Variants in STEAP3 observed in about 807,000 individuals in gnomAD.
The protein encoded by STEAP3 is metalloreductase STEAP3.
In STEAP3, 35 loss-of-function variants were observed where a neutral mutation model predicts 34.9. That is an observed-to-expected ratio of 1.00 (90% CI 0.76 to 1.33). STEAP3 has a LOEUF of 1.33. Among genes scored for constraint, STEAP3 ranks in the 40% most tolerant of loss-of-function variants. The pLI, the probability that STEAP3 is intolerant of heterozygous loss-of-function variation, is 0.00. For missense variants in STEAP3, 652 were observed against 667.6 expected, an observed-to-expected ratio of 0.98 and a Z score of 0.26; for synonymous variants, 281 against 301.6, an observed-to-expected ratio of 0.93 and a Z score of 0.71.
chr2:119,254,359 C>T (rs1677712385), intron 4 of STEAP3, among the ~76,000 whole-genome samples: 1 of 152,094 alleles, frequency 6.6e-6, no homozygotes, highest in Non-Finnish European at 1.5e-5. Flanking sequence ...GTGAAAGCCC[C>T]AGGAGCCCCG....
At chr2:119,258,976 T>C (rs1028602758) in intron 5 of STEAP3, among the ~76,000 whole-genome samples, 2 of 90,128 alleles carry the variant, frequency 2.2e-5, no homozygotes, top group African/African-American at 9.3e-5. Flanking sequence ...GTGCTAAGTG[T>C]TTCAATTCAG....
At chr2:119,230,564 G>A (rs1157641349) in intron 1 of STEAP3, 56 bp from the exon 2 acceptor site, 1 of 177,522 alleles carries the variant, frequency 5.6e-6, no homozygotes, top group East Asian at 1.4e-4. Context: ...GTATCCCGAA[G>A]AGTAAACGCC....
chr2:119,246,321 A>G (rs1316641206), intron 3 of STEAP3: 1 of 289,110 alleles, frequency 3.5e-6, no homozygotes, highest in Non-Finnish European at 6.5e-6. Flanking sequence ...CTTGGCTTTT[A>G]GAATTGGACT....
rs377036302 is a variant in STEAP3, at chr2:119,254,788, C to T, written c.1155C>T (p.Ala385=). 7 of 1,614,050 alleles carry T rather than the reference C, an allele frequency of 4.3e-6. No individual in the cohort carries two copies. Among genetic ancestry groups the T allele is most frequent in the African/African-American group, 4.0e-5 (3 of 74,918 alleles). ...CCCTCGGCACGTTGTCCCTGCTGGC[C>T]GTGACCTCACTGCCGTCCATTGCAA... The part of the protein sequence containing the change: ...VLALGTLSLL[A]VTSLPSIANS... The change falls in exon 5 of 6, where the codon GCC becomes GCT. Residue 385 remains alanine (A), a synonymous_variant. Transcript: ENST00000393110.
rs558850005 is a variant in STEAP3 at position 119,231,601 on chromosome 2, G to A, written c.22+567G>A. Among the ~76,000 whole-genome samples, 7 of 152,144 alleles carry A rather than the reference G, an allele frequency of 4.6e-5. No individual in the cohort carries two copies. In the South Asian group the frequency reaches 1.2e-3, roughly 27 times the overall value. ...CTTTTATTTTGCACAGTTGTGTGAC[G>A]GTAAACTCTTTTCCATCAGACGAAA... is the stretch of plus-strand genomic sequence containing the variant. On this transcript the variant is annotated intron_variant, in intron 2 of 5. Coordinates refer to ENST00000393110, the MANE Select transcript of STEAP3 (RefSeq NM_182915.3).
intron 1 of STEAP3, among the ~76,000 whole-genome samples, chr2:119,225,270 G>C (rs838109): frequency 1 from 151,907 of 152,350 alleles, 75,736 homozygotes; most frequent in Middle Eastern, 1. Context: ...GGTGCTTAGT[G>C]AATGTCTAAT....
At chr2:119,251,869 C>CCTTCAAAACCCTA (rs1369488687) in intron 4 of STEAP3, among the ~76,000 whole-genome samples, 2 of 152,198 alleles carry the variant, frequency 1.3e-5, no homozygotes, top group Admixed American at 1.3e-4. Flanking sequence ...CTGTTAAGCT[C>CCTTCAAAACCCTA]CCCCAGACTA....
chr2:119,231,883 A>G (rs757136110), intron 2 of STEAP3, among the ~76,000 whole-genome samples: 24 of 152,256 alleles, frequency 1.6e-4, no homozygotes, highest in Non-Finnish European at 2.9e-4. Flanking sequence ...GAGCTTTTAA[A>G]CCATGATTTG....
At chr2:119,227,690 C>T (rs911225741) in intron 1 of STEAP3, among the ~76,000 whole-genome samples, 58 of 152,262 alleles carry the variant, frequency 3.8e-4, no homozygotes, top group Admixed American at 3.2e-3. Context: ...GATTTGGGGT[C>T]GGTGAATGGG....
At chr2:119,256,134 C>T (rs568036482) in intron 5 of STEAP3, among the ~76,000 whole-genome samples, 2 of 152,342 alleles carry the variant, frequency 1.3e-5, no homozygotes, top group South Asian at 2.1e-4. Context: ...GGACGTGGTA[C>T]AGGACTCAGG....
chr2:119,256,582 T>C (rs1677780156), intron 5 of STEAP3, among the ~76,000 whole-genome samples: 1 of 152,208 alleles, frequency 6.6e-6, no homozygotes, highest in Non-Finnish European at 1.5e-5. Flanking sequence ...ACTGAGACCC[T>C]AGCAGCTGCA....
rs1273364978 is a variant in STEAP3 at position 119,255,565 on chromosome 2, C to T, written c.1215+717C>T. Among the ~76,000 whole-genome samples, 3 of 152,232 alleles carry T rather than the reference C, an allele frequency of 2.0e-5. No individual in the cohort carries two copies. The East Asian group carries it at 5.8e-4, about 29-fold the overall frequency. On this transcript the variant is annotated intron_variant, in intron 5 of 5. Coordinates refer to ENST00000393110, the MANE Select transcript of STEAP3 (RefSeq NM_182915.3). Reference sequence around the variant, plus strand: ...AGACTTATTGGAGTGTTAGCACCCTCCCCCTCCTTTTTTCCAAATAACAGC... The same window carrying T: ...AGACTTATTGGAGTGTTAGCACCCTTCCCCTCCTTTTTTCCAAATAACAGC...
Position 119,248,168 on chromosome 2 carries a change from G to A in STEAP3, c.1012G>A (p.Ala338Thr), listed in dbSNP as rs376635282. Reference protein sequence around the residue: ...LYSFCLPLRRAHRYDLVNLAV... With the variant: ...LYSFCLPLRRTHRYDLVNLAV... ...CAGCTTCTGCTTGCCGCTGCGCCGC[G>A]CCCACCGCTACGACCTGGTCAACCT... Residue 338 changes from alanine to threonine, a missense_variant, in exon 4 of 6, where the codon GCC (alanine) becomes ACC (threonine). Coordinates refer to ENST00000393110, the MANE Select transcript of STEAP3 (RefSeq NM_182915.3). 16 of 1,603,480 alleles carry A rather than the reference G, an allele frequency of 1.0e-5. No individual in the cohort carries two copies. In the East Asian group the frequency reaches 1.6e-4, roughly 16 times the overall value.
rs1179825195 is a variant in STEAP3, at chr2:119,248,360, C to T, written c.1050+154C>T. ...GTTCCAATGGGGCAGCACCCACATC[C>T]TCCTGCCCAAGATTTTGAGTATCAG... On this transcript the variant is annotated intron_variant, in intron 4 of 5. Transcript: ENST00000393110. 4 of 825,344 alleles carry T rather than the reference C, an allele frequency of 4.8e-6. No individual in the cohort carries two copies. The East Asian group carries it at 8.1e-5, about 17-fold the overall frequency. 51.1% of individuals were successfully genotyped at this position (825,344 alleles called of 1,614,324 possible). A position where few individuals can be genotyped will look rare whatever the true frequency, so the allele number is the denominator to read the frequency against.
intron 2 of STEAP3, among the ~76,000 whole-genome samples, chr2:119,242,868 C>T (rs1677289758): frequency 6.6e-6 from 1 of 152,178 alleles, no homozygotes; most frequent in Admixed American, 6.5e-5. Context: ...GCTCCTGGAC[C>T]GAGCAGCCTT....
chr2:119,237,382 G>C (rs1369196559), intron 2 of STEAP3, among the ~76,000 whole-genome samples: 1 of 152,146 alleles, frequency 6.6e-6, no homozygotes, highest in Non-Finnish European at 1.5e-5. Context: ...GGGTAGGGAG[G>C]TGGCAGGCTC....
intron 5 of STEAP3, among the ~76,000 whole-genome samples, chr2:119,260,394 C>T (rs2104849979): frequency 6.6e-6 from 1 of 151,180 alleles, no homozygotes; most frequent in East Asian, 2.0e-4. Flanking sequence ...CTCACTGCAA[C>T]ATCCACCTCC....
intron 5 of STEAP3, among the ~76,000 whole-genome samples, chr2:119,255,515 T>C (rs553825813): frequency 4.5e-4 from 69 of 152,292 alleles, no homozygotes; most frequent in African/African-American, 1.6e-3. Flanking sequence ...GAATAACATC[T>C]ACAACAAACA....
Position 119,231,034 on chromosome 2 carries a change from G to A in STEAP3, c.22G>A (p.Ala8Thr). The change falls in exon 2 of 6, where the codon GCC (alanine) becomes ACC (threonine). Residue 8 changes from alanine to threonine, a missense_variant and splice_region_variant. Coordinates refer to ENST00000393110, the MANE Select transcript of STEAP3 (RefSeq NM_182915.3). The part of the protein sequence containing the change: MSHQPAV[A>T]TKMPEEMDKP... Reference sequence around the variant, plus strand: ...CCGGATGTCGCACCAGCCTGCTGTTGGTAAGTCTGGCTAGGACGCAGATCC... The same window carrying A: ...CCGGATGTCGCACCAGCCTGCTGTTAGTAAGTCTGGCTAGGACGCAGATCC... The A allele has an allele frequency of 6.2e-7, 1 of 1,614,162 alleles. No individual in the cohort carries two copies. The highest frequency in any genetic ancestry group is 1.7e-5 in the Admixed American group (1 of 60,020).
Sources: gnomAD v4.1 joint callset for allele counts (sites outside exome capture counted in the v4.1 genomes callset) on GRCh38, gnomAD v4.1.1 for gene constraint, MANE v1.5 for transcripts, NCBI Gene and HGNC (gene_info 2026-07-23, HGNC 2026-07-21) for gene names.